JHY: variants seen among roughly 807,000 people sequenced by gnomAD.
The protein encoded by JHY is junctional cadherin complex regulator.
In JHY, 69 loss-of-function variants were observed where a neutral mutation model predicts 78.0. The observed-to-expected ratio is 0.88, with a 90% CI of 0.73 to 1.08. JHY has a LOEUF of 1.08. Ranked by LOEUF, JHY falls within the 50% of genes least tolerant of loss-of-function variation. The probability of loss-of-function intolerance (pLI) is 0.00; values close to 1 mark genes in which losing one functional copy is unlikely to be tolerated. For synonymous variants in JHY, 368 were observed against 342.6 expected (o/e 1.07, Z -0.82); for missense variants, 944 against 927.8 (o/e 1.02, Z -0.23).
chr11:122,927,865 G>A, intron 4 of JHY, among the ~76,000 whole-genome samples: 1 of 151,886 alleles, frequency 6.6e-6, no homozygotes, highest in South Asian at 2.1e-4. Context: ...TGAGTAGCTG[G>A]GATTACAGGC....
At chr11:122,931,535 C>G (rs1863636239) in intron 4 of JHY, among the ~76,000 whole-genome samples, 1 of 152,122 alleles carries the variant, frequency 6.6e-6, no homozygotes, top group African/African-American at 2.4e-5. Flanking sequence ...TTGAGATTCT[C>G]TTAATATTAT....
chr11:122,929,848 A>AT (rs140193527), intron 4 of JHY, among the ~76,000 whole-genome samples: 35,343 of 152,080 alleles, frequency 0.23, 4,635 homozygotes, highest in Middle Eastern at 0.3. Context: ...CATACTAGCA[A>AT]TTTTTCTGTA....
chr11:122,906,290 C>A (rs892093202), intron 3 of JHY, among the ~76,000 whole-genome samples: 13 of 152,084 alleles, frequency 8.5e-5, no homozygotes, highest in African/African-American at 3.1e-4. Context: ...TGGGCTCAAG[C>A]AATCCTCCTG....
intron 2 of JHY, among the ~76,000 whole-genome samples, chr11:122,889,481 GT>G (rs1456670023): frequency 6.6e-6 from 1 of 152,070 alleles, no homozygotes; most frequent in Non-Finnish European, 1.5e-5. Flanking sequence ...TATTTACATT[GT>G]ATTAGGTATT....
chr11:122,910,315 A>C (rs1408842817), intron 3 of JHY, among the ~76,000 whole-genome samples: 2 of 152,142 alleles, frequency 1.3e-5, no homozygotes, highest in African/African-American at 4.8e-5. Context: ...CTCTACTAAA[A>C]AATACAAAAA....
At chr11:122,885,109 A>G (rs1862467869) in intron 1 of JHY, among the ~76,000 whole-genome samples, 2 of 150,840 alleles carry the variant, frequency 1.3e-5, no homozygotes, top group South Asian at 4.2e-4. Flanking sequence ...GAACAGTTTT[A>G]ATCGTTATTA....
chr11:122,924,865 G>T (rs1565323238), intron 3 of JHY, 32 bp from the exon 4 acceptor site: 1 of 1,546,542 alleles, frequency 6.5e-7, no homozygotes, highest in Admixed American at 1.7e-5. Context: ...AATGAATCCA[G>T]TTAACATGCT....
intron 2 of JHY, among the ~76,000 whole-genome samples, chr11:122,894,954 G>T (rs1249501644): frequency 3.9e-5 from 6 of 152,094 alleles, no homozygotes; most frequent in African/African-American, 9.7e-5. Flanking sequence ...AAATTTTCTG[G>T]ATTGCAAATA....
At chr11:122,958,935 G>T in intron 8 of JHY, 1 of 985,184 alleles carries the variant, frequency 1.0e-6, no homozygotes, top group Non-Finnish European at 1.2e-6. Flanking sequence ...AAGACTTCCG[G>T]AAACTAAGTA....
rs533253553 is a variant in JHY, at chr11:122,957,594, C to T, written c.2139+103C>T. ...TTTTTAATTAGCCACAGAGTCTTGC[C>T]GTCTTGCCCAGGATGGTCATAAACT... is the stretch of plus-strand genomic sequence containing the variant. On this transcript the variant is annotated intron_variant, in intron 8 of 8. Transcript: ENST00000227349. 9.4e-4 allele frequency: 1,038 copies of T among 1,102,940 alleles called. 3 individuals are homozygous for T. The highest frequency in any genetic ancestry group is 2.8e-3 in the South Asian group (165 of 59,374). The allele number at this position is 1,102,940 out of a possible 1,614,324, so 68.3% of individuals were successfully genotyped here. A position where few individuals can be genotyped will look rare whatever the true frequency, so the allele number is the denominator to read the frequency against.
chr11:122,958,526 T>C (rs1001573155), intron 8 of JHY, among the ~76,000 whole-genome samples: 2 of 142,580 alleles, frequency 1.4e-5, no homozygotes, highest in African/African-American at 5.8e-5. Context: ...AGTCTAGACT[T>C]TTCTTTTCTA....
In JHY at chr11:122,917,615, C is replaced by G. The variant is rs747479598; in HGVS notation, c.865-7282C>G. Among the ~76,000 whole-genome samples, 1 of 152,158 alleles carries G rather than the reference C, an allele frequency of 6.6e-6. No homozygotes were observed. Among genetic ancestry groups the G allele is most frequent in the Non-Finnish European group, 1.5e-5 (1 of 68,034 alleles). ...TTGATACATGCTCAAATTTTAAAAC[C>G]CCTATGTTAAAATGTTAGGCCTTTC... is the stretch of plus-strand genomic sequence containing the variant. On this transcript the variant is annotated intron_variant, in intron 3 of 8. Transcript: ENST00000227349. The surrounding 1 kb of genome is among the most constrained non-coding windows in gnomAD (Gnocchi z 4.1).
At chr11:122,920,291 C>T (rs1348701690) in intron 3 of JHY, among the ~76,000 whole-genome samples, 10 of 152,170 alleles carry the variant, frequency 6.6e-5, no homozygotes, top group Non-Finnish European at 1.3e-4. Context: ...TAAGCTAATA[C>T]TACTTAAAAA....
At chr11:122,942,516 C>T (rs7110373) in intron 5 of JHY, among the ~76,000 whole-genome samples, 73,635 of 151,828 alleles carry the variant, frequency 0.48, 18,133 homozygotes, top group Middle Eastern at 0.55. Flanking sequence ...CTCCATCTCT[C>T]GGGTTCAAGC....
chr11:122,947,509 G>T (rs973046740), intron 6 of JHY: 2 of 152,184 alleles, frequency 1.3e-5, no homozygotes, highest in African/African-American at 4.8e-5. Context: ...CTAGGAAGGG[G>T]ACTTTTTATG....
At chr11:122,910,539 G>C (rs1490873970) in intron 3 of JHY, among the ~76,000 whole-genome samples, 1 of 152,024 alleles carries the variant, frequency 6.6e-6, no homozygotes, top group African/African-American at 2.4e-5. Context: ...GCACGCATAA[G>C]AAATTGTGGA....
chr11:122,920,339 A>C (rs1034921865), intron 3 of JHY, among the ~76,000 whole-genome samples: 10 of 152,222 alleles, frequency 6.6e-5, no homozygotes, highest in Non-Finnish European at 1.2e-4. Flanking sequence ...CTAGTTGTCA[A>C]TACTATCAAA....
At chr11:122,893,912 T>C (rs1002380778) in intron 2 of JHY, among the ~76,000 whole-genome samples, 1 of 152,118 alleles carries the variant, frequency 6.6e-6, no homozygotes, top group Non-Finnish European at 1.5e-5. Flanking sequence ...TTGCCCAAGC[T>C]CACATGGCTG....
rs1426757092 is a variant in JHY at position 122,903,943 on chromosome 11, C to T, written c.363C>T (p.Asp121=). The T allele has an allele frequency of 6.3e-7, 1 of 1,593,508 alleles. No individual in the cohort carries two copies. The highest frequency in any genetic ancestry group is 1.7e-5 in the Admixed American group (1 of 57,470). The stretch of plus-strand genomic sequence containing the variant: ...TGGGCAGGCAACAACCAATAGAAGA[C>T]AAATATTCAGACCTCCGCTATGACC... ...GANNRQQPIE[D]KYSDLRYDPN... Residue 121 remains aspartate, a synonymous_variant, in exon 3 of 9, where the codon GAC becomes GAT. Transcript: ENST00000227349.
Sources: allele counts gnomAD v4.1 joint callset (sites outside exome capture counted in the v4.1 genomes callset), GRCh38; gene constraint gnomAD v4.1.1; non-coding constraint Gnocchi (gnomAD v3.1); transcripts MANE v1.5; gene names NCBI Gene and HGNC (gene_info 2026-07-23, HGNC 2026-07-21).